The following RBFOX1 variants were observed in gnomAD, a reference collection of about 807,000 sequenced individuals.
The protein encoded by RBFOX1 is RNA binding fox-1 homolog 1.
RBFOX1 carries 8 observed loss-of-function variants against 57.7 expected under a neutral mutation model. That is an observed-to-expected ratio of 0.14 (90% CI 0.08 to 0.25). The LOEUF (loss-of-function observed/expected upper bound fraction) is 0.25. RBFOX1 is among the 10% of genes least tolerant of loss of function. RBFOX1 has a pLI of 1.00. For synonymous variants in RBFOX1, 326 were observed against 222.4 expected (o/e 1.47, Z -4.15); for missense variants, 611 against 548.5 (o/e 1.11, Z -1.14).
intron 4 of RBFOX1, among the ~76,000 whole-genome samples, chr16:7,319,955 C>A (rs1395639415): frequency 6.6e-6 from 1 of 152,076 alleles, no homozygotes; most frequent in Non-Finnish European, 1.5e-5. Flanking sequence ...CATAGTGAGA[C>A]CTAGGAAAGG....
At chr16:6,017,370 C>T (rs192620110), upstream of RBFOX1, among the ~76,000 whole-genome samples, 8 of 152,082 alleles carry the variant, frequency 5.3e-5, no homozygotes, top group Non-Finnish European at 1.0e-4. Context: ...TTTTACAACC[C>T]ATCTCATCTC....
At chr16:6,645,525 T>C (rs925658719) in intron 2 of RBFOX1, among the ~76,000 whole-genome samples, 2 of 152,048 alleles carry the variant, frequency 1.3e-5, no homozygotes. Flanking sequence ...CCTACAAAAA[T>C]TATCAAAAAC....
intron 2 of RBFOX1, among the ~76,000 whole-genome samples, chr16:6,486,268 G>A (rs1188591212): frequency 6.6e-6 from 1 of 151,698 alleles, no homozygotes; most frequent in Non-Finnish European, 1.5e-5. Context: ...GCTTGAATGG[G>A]CCAATCTTGA....
chr16:7,351,836 A>G lies in RBFOX1; in HGVS notation c.28-166311A>G, dbSNP rs961197128. 2.6e-5 allele frequency among the ~76,000 whole-genome samples: 4 copies of G among 152,152 alleles called. 1 individual carries two copies. In the South Asian group the frequency reaches 6.2e-4, roughly 24 times the overall value. ...ATGGAAACACACATTCTGCCTCTCA[A>G]TCTTCAGGCCCAGGCAGGAAATTTT... On this transcript the variant is annotated intron_variant, in intron 4 of 15. Coordinates refer to ENST00000550418, the MANE Select transcript of RBFOX1 (RefSeq NM_018723.4).
At position 7,194,926 on chromosome 16, in the gene RBFOX1, T is replaced by A. The variant is rs1286919426; in HGVS notation, c.27+142828T>A. ...TTGGGCTACAAAATGAGACCCTGTT[T>A]CACAAAAAAAAAAAAAAAGTGAAGA... is the stretch of plus-strand genomic sequence containing the variant. On this transcript the variant is annotated intron_variant, in intron 4 of 15. Coordinates refer to ENST00000550418, the MANE Select transcript of RBFOX1 (RefSeq NM_018723.4). 1.2e-3 allele frequency among the ~76,000 whole-genome samples: 20 copies of A among 16,542 alleles called. No individual in the cohort carries two copies. The Admixed American group carries it at 0.014, about 11-fold the overall frequency. The allele number at this position is 16,542 out of a possible 152,430, so 10.9% of individuals were successfully genotyped here.
chr16:6,931,674 C>T (rs573468681), intron 3 of RBFOX1, among the ~76,000 whole-genome samples: 7 of 152,318 alleles, frequency 4.6e-5, no homozygotes, highest in African/African-American at 1.2e-4. Context: ...TAATGAAAGG[C>T]TCACAGACTC....
At chr16:6,694,264 G>A (rs566849007) in intron 3 of RBFOX1, among the ~76,000 whole-genome samples, 260 of 152,266 alleles carry the variant, frequency 1.7e-3, no homozygotes, top group Admixed American at 1.1e-3. Context: ...AATTAGAGAG[G>A]AGGTTGGTGT....
At chr16:5,356,453 G>C (rs2065391887) in intron 1 of RBFOX1, among the ~76,000 whole-genome samples, 1 of 152,140 alleles carries the variant, frequency 6.6e-6, no homozygotes, top group East Asian at 1.9e-4. Context: ...TTTCCTTAAG[G>C]TCACCTTCTT....
At chr16:6,762,427 C>G (rs1023702994) in intron 3 of RBFOX1, among the ~76,000 whole-genome samples, 2 of 151,970 alleles carry the variant, frequency 1.3e-5, no homozygotes, top group Admixed American at 1.3e-4. Context: ...ATACCACCAC[C>G]GACAATGAAA....
In RBFOX1 at chr16:6,487,735, ATATATATATATATATAT is replaced by A. The variant is rs1567405726; in HGVS notation, c.-63-166867_-63-166851del. ...TATATATATATATATATATATATAT[ATATATATATATATATAT>A]ATAAAATATTATGCAGTGATGGGCA... On this transcript the variant is annotated intron_variant, in intron 2 of 15. Coordinates refer to ENST00000550418, the MANE Select transcript of RBFOX1 (RefSeq NM_018723.4). Among the ~76,000 whole-genome samples the A allele has an allele frequency of 2.1e-4, 12 of 58,206 alleles. 1 individual carries two copies. The highest frequency in any genetic ancestry group is 1.7e-4 in the Non-Finnish European group (5 of 29,904). 38.2% of individuals were successfully genotyped at this position (58,206 alleles called of 152,430 possible).
intron 2 of RBFOX1, among the ~76,000 whole-genome samples, chr16:6,530,988 G>A (rs765844229): frequency 1.3e-5 from 2 of 152,272 alleles, no homozygotes; most frequent in East Asian, 1.9e-4. Context: ...CCTGGTGTCT[G>A]TTCCAACCAT....
chr16:6,898,888 G>C (rs952028976), intron 3 of RBFOX1, among the ~76,000 whole-genome samples: 1 of 106,022 alleles, frequency 9.4e-6, no homozygotes, highest in Non-Finnish European at 1.9e-5. Context: ...TGTATAATAC[G>C]TGTGTGCATC....
intron 4 of RBFOX1, among the ~76,000 whole-genome samples, chr16:7,073,774 G>A (rs768676092): frequency 6.6e-6 from 1 of 152,102 alleles, no homozygotes; most frequent in African/African-American, 2.4e-5. Flanking sequence ...GAGGCAGGAG[G>A]ATTGTTTGAG....
chr16:5,332,978 G>C (rs564548895), intron 1 of RBFOX1, among the ~76,000 whole-genome samples: 189 of 152,228 alleles, frequency 1.2e-3, no homozygotes, highest in African/African-American at 4.3e-3. Flanking sequence ...CTGAGGTCAG[G>C]AGTTTGAGAC....
chr16:6,483,346 C>G, intron 2 of RBFOX1: 1 of 1,483,544 alleles, frequency 6.7e-7, no homozygotes, highest in East Asian at 2.5e-5. Context: ...GCGGTCGTGC[C>G]AGGCAGCCCG....
intron 2 of RBFOX1, among the ~76,000 whole-genome samples, chr16:6,377,305 A>G (rs887079437): frequency 6.6e-6 from 1 of 151,850 alleles, no homozygotes; most frequent in African/African-American, 2.4e-5. Context: ...AAGAAAAAAA[A>G]AGGTATCAGT....
At chr16:5,422,464 GA>G (rs1363358764) in intron 1 of RBFOX1, among the ~76,000 whole-genome samples, 3 of 131,938 alleles carry the variant, frequency 2.3e-5, no homozygotes, top group African/African-American at 8.7e-5. Flanking sequence ...GAGGGAGAGG[GA>G]GGGGGAAGAA....
chr16:5,736,331 T>A (rs2052570354), intron 3 of RBFOX1, among the ~76,000 whole-genome samples: 1 of 152,186 alleles, frequency 6.6e-6, no homozygotes, highest in Non-Finnish European at 1.5e-5. Flanking sequence ...GATGTGTCAC[T>A]ATCTATAGCG....
chr16:6,879,206 A>G (rs532453192), intron 3 of RBFOX1, among the ~76,000 whole-genome samples: 1 of 152,196 alleles, frequency 6.6e-6, no homozygotes, highest in Non-Finnish European at 1.5e-5. Flanking sequence ...GTAATATGAT[A>G]TTTTTATGAT....
Sources: allele counts gnomAD v4.1 joint callset (sites outside exome capture counted in the v4.1 genomes callset), GRCh38; gene constraint gnomAD v4.1.1; transcripts MANE v1.5; gene names NCBI Gene and HGNC (gene_info 2026-07-23, HGNC 2026-07-21).